CSMD1: variants seen among roughly 807,000 people sequenced by gnomAD.
CSMD1 encodes CUB and Sushi multiple domains 1, also known as CUB and sushi domain-containing protein 1.
CSMD1 carries 213 observed loss-of-function variants against 417.5 expected under a neutral mutation model. The ratio of observed to expected loss-of-function variants is 0.51; its 90% CI spans 0.46 to 0.57. The LOEUF is 0.57. Ranked by LOEUF, CSMD1 falls within the 20% of genes least tolerant of loss-of-function variation. The pLI, the probability that CSMD1 is intolerant of heterozygous loss-of-function variation, is 0.00. For missense variants in CSMD1, 6,923 were observed against 4,529.7 expected (o/e 1.53, Z -15.17); for synonymous variants, 2,862 against 1,736.8 (o/e 1.65, Z -16.11).
chr8:4,093,371 T>C (rs1002480099), intron 3 of CSMD1, among the ~76,000 whole-genome samples: 4 of 152,170 alleles, frequency 2.6e-5, no homozygotes, highest in Non-Finnish European at 4.4e-5. Flanking sequence ...AAATTTTATA[T>C]TTAACGTGAT....
intron 5 of CSMD1, among the ~76,000 whole-genome samples, chr8:3,853,447 T>C (rs1476127902): frequency 6.6e-6 from 1 of 152,186 alleles, no homozygotes; most frequent in African/African-American, 2.4e-5. Context: ...TCCCAGGAAA[T>C]GGTAAACTCT....
At position 4,314,605 on chromosome 8, in the gene CSMD1, AC is replaced by A. The variant is rs1798815613; in HGVS notation, c.415+105347del. Among the ~76,000 whole-genome samples the A allele has an allele frequency of 5.3e-3, 4 of 754 alleles. No individual in the cohort carries two copies. In the Admixed American group the frequency reaches 0.1, roughly 19 times the overall value. The allele number at this position is 754 out of a possible 152,430, so 0.5% of individuals were successfully genotyped here. On this transcript the variant is annotated intron_variant, in intron 3 of 69. Transcript: ENST00000635120. ...ATGCTACTGGTTGTATTACATTTTC[AC>A]ACACACACACACACACACACAAAAG... is the stretch of plus-strand genomic sequence containing the variant.
At chr8:4,591,556 T>C (rs779677556) in intron 2 of CSMD1, among the ~76,000 whole-genome samples, 23 of 152,158 alleles carry the variant, frequency 1.5e-4, no homozygotes, top group Non-Finnish European at 2.5e-4. Flanking sequence ...GAGAGGACTG[T>C]AGTGCAGGCT....
At position 4,853,631 on chromosome 8, in the gene CSMD1, C is replaced by T. The variant is rs370111638; in HGVS notation, c.85+140701G>A. Among the ~76,000 whole-genome samples, 125 of 152,266 alleles carry T rather than the reference C, an allele frequency of 8.2e-4. 4 individuals carry two copies. The South Asian group carries it at 0.024, about 30-fold the overall frequency. On this transcript the variant is annotated intron_variant, in intron 1 of 69. Coordinates refer to ENST00000635120, the MANE Select transcript of CSMD1 (RefSeq NM_033225.6). ...CCAAAGGGAAATGTGGCATTGGAACCCCATGGAATGTCCCCACTGGAACAC... is the reference window on the plus strand; with the variant it reads ...CCAAAGGGAAATGTGGCATTGGAACTCCATGGAATGTCCCCACTGGAACAC...
chr8:4,439,074 T>C (rs537107465), intron 2 of CSMD1, among the ~76,000 whole-genome samples: 5 of 152,306 alleles, frequency 3.3e-5, no homozygotes, highest in African/African-American at 1.2e-4. Flanking sequence ...ATTGGCGCCA[T>C]CCTATTTCAT....
At chr8:3,424,616 A>C (rs1484885473) in intron 12 of CSMD1, among the ~76,000 whole-genome samples, 1 of 152,242 alleles carries the variant, frequency 6.6e-6, no homozygotes, top group Non-Finnish European at 1.5e-5. Context: ...CAATTTGAAC[A>C]CAAAATCTTT....
chr8:3,936,868 G>C (rs1443321936), intron 5 of CSMD1, among the ~76,000 whole-genome samples: 1 of 152,126 alleles, frequency 6.6e-6, no homozygotes, highest in Non-Finnish European at 1.5e-5. Flanking sequence ...GCTAGACAAG[G>C]TAAAACAAAA....
chr8:3,484,341 T>A (rs1411308624), intron 11 of CSMD1, among the ~76,000 whole-genome samples: 74 of 152,178 alleles, frequency 4.9e-4, no homozygotes, highest in Non-Finnish European at 8.8e-5. Flanking sequence ...GAAAGGCGAG[T>A]CCTTTCAACA....
intron 7 of CSMD1, among the ~76,000 whole-genome samples, chr8:3,646,309 A>G (rs571687540): frequency 1.3e-5 from 2 of 152,174 alleles, no homozygotes; most frequent in East Asian, 3.9e-4. Context: ...TATACTAAAT[A>G]TACTAAAATA....
intron 3 of CSMD1, among the ~76,000 whole-genome samples, chr8:4,361,288 A>C (rs553559093): frequency 3.3e-5 from 5 of 152,346 alleles, no homozygotes; most frequent in African/African-American, 1.2e-4. Flanking sequence ...CTCATAAATA[A>C]TACAAGATAA....
chr8:3,173,277 T>C (rs968602959), intron 37 of CSMD1, among the ~76,000 whole-genome samples: 1 of 152,192 alleles, frequency 6.6e-6, no homozygotes, highest in Admixed American at 6.5e-5. Flanking sequence ...TAAAGTAATA[T>C]TGTAGAAGTG....
chr8:4,446,055 G>C (rs1028632820), intron 2 of CSMD1, among the ~76,000 whole-genome samples: 2 of 152,194 alleles, frequency 1.3e-5, no homozygotes, highest in African/African-American at 4.8e-5. Context: ...AAGAAGAGGA[G>C]ACGAGGCTGT....
chr8:3,563,296 GTAATT>G (rs1375574577), intron 10 of CSMD1, among the ~76,000 whole-genome samples: 2 of 151,700 alleles, frequency 1.3e-5, no homozygotes, highest in Non-Finnish European at 2.9e-5. Flanking sequence ...CTAAAAGTGT[GTAATT>G]TAAACAATTG....
chr8:4,110,801 T>G (rs534762418), intron 3 of CSMD1, among the ~76,000 whole-genome samples: 104 of 152,302 alleles, frequency 6.8e-4, no homozygotes, highest in Middle Eastern at 6.8e-3. Flanking sequence ...AGAATATGTA[T>G]GTTTTTAAAT....
chr8:3,417,372 C>A (rs976298304), intron 12 of CSMD1, among the ~76,000 whole-genome samples: 2 of 152,096 alleles, frequency 1.3e-5, no homozygotes, highest in Non-Finnish European at 2.9e-5. Flanking sequence ...TTTTTATCTC[C>A]CAAAATAGCA....
At chr8:4,424,900 T>C (rs1797457041) in intron 2 of CSMD1, among the ~76,000 whole-genome samples, 1 of 152,086 alleles carries the variant, frequency 6.6e-6, no homozygotes, top group African/African-American at 2.4e-5. Flanking sequence ...TCTATAATGA[T>C]CTCACATTAA....
chr8:4,973,427 G>A (rs753548728), intron 1 of CSMD1, among the ~76,000 whole-genome samples: 14 of 152,000 alleles, frequency 9.2e-5, no homozygotes, highest in Non-Finnish European at 1.9e-4. Context: ...ACTTTCCCCA[G>A]TATGGGTTTT....
chr8:3,985,586 T>C (rs1428727442), intron 5 of CSMD1, among the ~76,000 whole-genome samples: 1 of 152,120 alleles, frequency 6.6e-6, no homozygotes, highest in Non-Finnish European at 1.5e-5. Context: ...TTCACTTTAT[T>C]TGAAGGGGCG....
At chr8:4,373,315 A>G (rs1372021269) in intron 3 of CSMD1, among the ~76,000 whole-genome samples, 1 of 149,338 alleles carries the variant, frequency 6.7e-6, no homozygotes, top group African/African-American at 2.4e-5. Context: ...GGTAATAACC[A>G]AAGAAAGTAT....
Sources: allele counts gnomAD v4.1 joint callset (sites outside exome capture counted in the v4.1 genomes callset), GRCh38; gene constraint gnomAD v4.1.1; transcripts MANE v1.5; gene names NCBI Gene and HGNC (gene_info 2026-07-23, HGNC 2026-07-21).